The following ACOT1 variants were observed in gnomAD, a reference collection of about 807,000 sequenced individuals.
ACOT1 encodes acyl-CoA thioesterase 1, also known as acyl-coenzyme A thioesterase 1.
ACOT1 carries 8 observed loss-of-function variants against 15.7 expected under a neutral mutation model. The ratio of observed to expected loss-of-function variants is 0.51; its 90% CI spans 0.30 to 0.92. The LOEUF (loss-of-function observed/expected upper bound fraction) is 0.92, where lower values mean the gene tolerates loss of function less well. Ranked by LOEUF, ACOT1 falls within the 40% of genes least tolerant of loss-of-function variation. The pLI is 0.06. For synonymous variants in ACOT1, 67 were observed against 241.2 expected (o/e 0.28, Z 6.69); for missense variants, 151 against 539.4 (o/e 0.28, Z 7.13).
At chr14:73,524,154 C>T in the ACOT1 span, among the ~76,000 whole-genome samples, 61 of 151,188 alleles carry the variant, frequency 4.0e-4, 1 homozygote, top group Admixed American at 1.7e-3. Flanking sequence ...TAGCCAGGCG[C>T]GGTGGCATGT....
the ACOT1 span, among the ~76,000 whole-genome samples, chr14:73,510,627 G>A: frequency 1.3e-5 from 2 of 152,090 alleles, no homozygotes; most frequent in Admixed American, 6.6e-5. Flanking sequence ...GTAGAGATGA[G>A]GTTTCACCAT....
chr14:73,509,866 A>ATATT, the ACOT1 span, among the ~76,000 whole-genome samples: 443 of 67,448 alleles, frequency 6.6e-3, 20 homozygotes, highest in Non-Finnish European at 9.3e-3. Context: ...ATATATATAT[A>ATATT]TATTTATTTA....
the ACOT1 span, chr14:73,492,256 C>T: frequency 6.2e-7 from 1 of 1,614,042 alleles, no homozygotes. The surrounding 1 kb of genome is among the most constrained non-coding windows in gnomAD (Gnocchi z 4.9). Context: ...AGGATGGAGT[C>T]CACTCTCTGC....
chr14:73,527,501 G>C, the ACOT1 span: 6 of 151,278 alleles, frequency 4.0e-5, no homozygotes, highest in African/African-American at 1.5e-4. Context: ...CTATGGAGTA[G>C]CCATTCTTTT....
chr14:73,541,691 C>G lies in ACOT1; in HGVS notation c.656C>G (p.Pro219Arg), dbSNP rs779608804. 59 of 1,243,102 alleles carry G rather than the reference C, an allele frequency of 4.7e-5. 19 individuals are homozygous for G. The South Asian group carries it at 7.7e-4, about 16-fold the overall frequency. 77.0% of individuals were successfully genotyped at this position (1,243,102 alleles called of 1,614,324 possible). ...GCTGTGAACTACTTGCTCAGTCATC[C>G]TGAGGTGAGTTCTTCTCTCAGATTT... ...EEAVNYLLSH[P>R]EVKGPGVGLL... is the part of the protein sequence containing the mutation. The change falls in exon 2 of 3, where the codon CCT becomes CGT. Residue 219 changes from proline (P) to arginine (R), a missense_variant. By Grantham distance (103) the Pro-to-Arg change is moderately radical. Coordinates refer to ENST00000311148, the MANE Select transcript of ACOT1 (RefSeq NM_001037161.2).
chr14:73,522,426 A>G, the ACOT1 span: 1 of 1,614,244 alleles, frequency 6.2e-7, no homozygotes, highest in East Asian at 2.2e-5. Context: ...ATGTGACTCC[A>G]GTCGTACTGC....
the ACOT1 span, among the ~76,000 whole-genome samples, chr14:73,501,490 A>C: frequency 6.7e-6 from 1 of 150,256 alleles, no homozygotes; most frequent in East Asian, 2.0e-4. Context: ...CCTGACCTCA[A>C]GTGATTCTCC....
At chr14:73,496,531 G>T in the ACOT1 span, 1 of 910,218 alleles carries the variant, frequency 1.1e-6, no homozygotes, top group East Asian at 2.4e-5. Flanking sequence ...CATGTTTGAG[G>T]AGGACAGGGT....
In ACOT1 at chr14:73,537,891, C is replaced by G. The variant is rs72738342; in HGVS notation, c.457+13C>G. On this transcript the variant is annotated intron_variant, in intron 1 of 2. Transcript: ENST00000311148. Reference sequence around the variant, plus strand: ...TTCCTGCCGCCAGGTGACTCACCTCCGCTAATTGTTCCCCTCTGCCCATCC... The same window carrying G: ...TTCCTGCCGCCAGGTGACTCACCTCGGCTAATTGTTCCCCTCTGCCCATCC... 3 of 1,181,246 alleles carry G rather than the reference C, an allele frequency of 2.5e-6. 1 individual carries two copies. In the Admixed American group the frequency reaches 9.4e-5, roughly 37 times the overall value. 73.2% of individuals were successfully genotyped at this position (1,181,246 alleles called of 1,614,324 possible). A position where few individuals can be genotyped will look rare whatever the true frequency, so the allele number is the denominator to read the frequency against.
At chr14:73,536,803 G>C (rs1429144529), upstream of ACOT1, among the ~76,000 whole-genome samples, 1 of 114,582 alleles carries the variant, frequency 8.7e-6, no homozygotes, top group Admixed American at 9.8e-5. Context: ...GTGATGTGGA[G>C]GATAGGCATA....
At chr14:73,491,426 G>A in the ACOT1 span, 2 of 1,353,308 alleles carry the variant, frequency 1.5e-6, no homozygotes, top group Non-Finnish European at 1.9e-6. Context: ...GGAGGTGCCC[G>A]CCGCGCCGGT....
chr14:73,525,008 T>A, the ACOT1 span, among the ~76,000 whole-genome samples: 1 of 152,098 alleles, frequency 6.6e-6, no homozygotes, highest in Admixed American at 6.6e-5. Context: ...GGGCAAGTTC[T>A]TTTTTGTGTG....
the ACOT1 span, among the ~76,000 whole-genome samples, chr14:73,503,293 A>G: frequency 2.0e-3 from 311 of 152,274 alleles, 1 homozygote; most frequent in Non-Finnish European, 3.9e-3. Context: ...CATCCTTTAA[A>G]CTATGTAGTA....
At chr14:73,500,836 A>G in the ACOT1 span, 1 of 986,812 alleles carries the variant, frequency 1.0e-6, no homozygotes, top group Non-Finnish European at 1.5e-6. Context: ...GTAGGCTGTC[A>G]ATCCCATTCA....
chr14:73,509,236 A>G, the ACOT1 span: 1 of 1,371,326 alleles, frequency 7.3e-7, no homozygotes, highest in East Asian at 2.3e-5. Flanking sequence ...CACAGTGGAG[A>G]GGAAAGGACT....
At chr14:73,523,078 C>T in the ACOT1 span, 1 of 1,613,072 alleles carries the variant, frequency 6.2e-7, no homozygotes, top group Non-Finnish European at 8.5e-7. Flanking sequence ...AAATCATGCC[C>T]CATCCCAGTC....
the ACOT1 span, among the ~76,000 whole-genome samples, chr14:73,516,635 C>T: frequency 9.9e-5 from 15 of 152,162 alleles, no homozygotes; most frequent in Non-Finnish European, 1.5e-4. Context: ...AAGCTGGGGT[C>T]CCTAACCCCC....
chr14:73,512,253 A>C, the ACOT1 span: 1 of 1,297,172 alleles, frequency 7.7e-7, no homozygotes, highest in Non-Finnish European at 1.1e-6. Flanking sequence ...GAATAATTCA[A>C]GCAAAACATT....
chr14:73,519,045 A>G, the ACOT1 span: 6 of 1,613,380 alleles, frequency 3.7e-6, no homozygotes, highest in East Asian at 1.3e-4. Context: ...TTGCCTGGGC[A>G]CTCCACTTTT....
Sources: allele counts gnomAD v4.1 joint callset (sites outside exome capture counted in the v4.1 genomes callset), GRCh38; gene constraint gnomAD v4.1.1; non-coding constraint Gnocchi (gnomAD v3.1); transcripts MANE v1.5; gene names NCBI Gene and HGNC (gene_info 2026-07-23, HGNC 2026-07-21).